LRRTM4: variants seen among roughly 807,000 people sequenced by gnomAD.
The protein encoded by LRRTM4 is leucine-rich repeat transmembrane neuronal protein 4.
Under a neutral mutation model 47.6 loss-of-function variants are expected in LRRTM4, and 25 were observed. That is an observed-to-expected ratio of 0.53 (90% CI 0.38 to 0.73). The LOEUF is 0.73. Among genes scored for constraint, LRRTM4 ranks in the 30% least tolerant of loss-of-function variants. LRRTM4 has a pLI of 0.00. For missense variants in LRRTM4, 638 were observed against 713.4 expected, an observed-to-expected ratio of 0.89 and a Z score of 1.20; for synonymous variants, 311 against 269.5, an observed-to-expected ratio of 1.15 and a Z score of -1.51.
chr2:77,138,072 A>G (rs1672002455), intron 3 of LRRTM4, among the ~76,000 whole-genome samples: 1 of 152,194 alleles, frequency 6.6e-6, no homozygotes, highest in East Asian at 1.9e-4. Flanking sequence ...TCAATGAGAC[A>G]GAAAGTTAAC....
At chr2:76,954,561 C>T (rs1447620608) in intron 3 of LRRTM4, among the ~76,000 whole-genome samples, 1 of 151,428 alleles carries the variant, frequency 6.6e-6, no homozygotes, top group Non-Finnish European at 1.5e-5. Context: ...AGTATACCAT[C>T]AAATGAACAA....
At chr2:77,212,486 G>A (rs1039725149) in intron 3 of LRRTM4, among the ~76,000 whole-genome samples, 10 of 149,502 alleles carry the variant, frequency 6.7e-5, no homozygotes, top group Admixed American at 3.4e-4. Flanking sequence ...GAGAGAGAGA[G>A]AGAGAGAGCG....
At chr2:76,932,799 C>T (rs1380868896) in intron 3 of LRRTM4, among the ~76,000 whole-genome samples, 1 of 151,298 alleles carries the variant, frequency 6.6e-6, no homozygotes, top group Non-Finnish European at 1.5e-5. Context: ...AATACTTACT[C>T]TAAAGAAATT....
chr2:77,217,305 T>A (rs1674477788), intron 3 of LRRTM4, among the ~76,000 whole-genome samples: 1 of 147,926 alleles, frequency 6.8e-6, no homozygotes, highest in Admixed American at 6.8e-5. Flanking sequence ...ATATTAACAT[T>A]TAATAATACC....
chr2:77,413,343 C>T (rs6752996), intron 3 of LRRTM4, among the ~76,000 whole-genome samples: 351 of 152,164 alleles, frequency 2.3e-3, no homozygotes, highest in Non-Finnish European at 4.1e-3. Flanking sequence ...CTCTGAGTGT[C>T]GGTTTCATCA....
chr2:77,152,207 G>A (rs1672448152), intron 3 of LRRTM4, among the ~76,000 whole-genome samples: 1 of 152,126 alleles, frequency 6.6e-6, no homozygotes, highest in African/African-American at 2.4e-5. Flanking sequence ...ACATTGTGTG[G>A]GGCCTGCCAT....
intron 3 of LRRTM4, among the ~76,000 whole-genome samples, chr2:77,296,197 A>C (rs1336417597): frequency 1.3e-5 from 2 of 152,232 alleles, no homozygotes; most frequent in African/African-American, 2.4e-5. Context: ...AATATTTGAG[A>C]AATTATTCCC....
chr2:77,410,542 A>C (rs930526894), intron 3 of LRRTM4, among the ~76,000 whole-genome samples: 18 of 152,164 alleles, frequency 1.2e-4, no homozygotes, highest in Non-Finnish European at 7.4e-5. Context: ...ATTAAATGAG[A>C]TAGATCCTAT....
intron 3 of LRRTM4, among the ~76,000 whole-genome samples, chr2:76,956,856 T>A (rs1675691372): frequency 6.6e-6 from 1 of 151,442 alleles, no homozygotes; most frequent in Non-Finnish European, 1.5e-5. Context: ...TGGATAAATT[T>A]CTAGAAACCT....
chr2:77,116,737 TAC>T (rs997110421), intron 3 of LRRTM4, among the ~76,000 whole-genome samples: 6 of 152,084 alleles, frequency 3.9e-5, no homozygotes, highest in Admixed American at 2.0e-4. Flanking sequence ...TTTTCCCAAA[TAC>T]AGTTTCTTTC....
intron 3 of LRRTM4, among the ~76,000 whole-genome samples, chr2:77,504,559 G>GA (rs1208409161): frequency 1.3e-5 from 2 of 151,322 alleles, no homozygotes; most frequent in Non-Finnish European, 3.0e-5. Context: ...CTAGTTCTTT[G>GA]AAAAAAATCA....
intron 3 of LRRTM4, among the ~76,000 whole-genome samples, chr2:77,423,993 T>G (rs1675010200): frequency 6.6e-6 from 1 of 152,144 alleles, no homozygotes; most frequent in African/African-American, 2.4e-5. Flanking sequence ...GAATAATTTT[T>G]TATCTTTATT....
intron 3 of LRRTM4, among the ~76,000 whole-genome samples, chr2:77,157,747 C>T (rs1307245559): frequency 6.6e-6 from 1 of 151,966 alleles, no homozygotes; most frequent in Non-Finnish European, 1.5e-5. Flanking sequence ...AAGAAAACCC[C>T]ACCACTTGAG....
intron 3 of LRRTM4, among the ~76,000 whole-genome samples, chr2:77,259,348 G>A (rs955796953): frequency 6.6e-6 from 1 of 151,974 alleles, no homozygotes; most frequent in African/African-American, 2.4e-5. Context: ...TTGAGACAAT[G>A]CACACAATAT....
At chr2:76,979,267 G>A (rs1676516777) in intron 3 of LRRTM4, among the ~76,000 whole-genome samples, 1 of 151,904 alleles carries the variant, frequency 6.6e-6, no homozygotes, top group African/African-American at 2.4e-5. Context: ...AACAAGTAGG[G>A]TGTCTATTAC....
At chr2:77,006,650 G>A (rs1677661366) in intron 3 of LRRTM4, among the ~76,000 whole-genome samples, 2 of 152,126 alleles carry the variant, frequency 1.3e-5, no homozygotes, top group Admixed American at 6.6e-5. Context: ...AAAACAAGCG[G>A]AGAGATTCTA....
chr2:76,899,125 T>A (rs977045087), intron 3 of LRRTM4, among the ~76,000 whole-genome samples: 1 of 151,890 alleles, frequency 6.6e-6, no homozygotes, highest in Non-Finnish European at 1.5e-5. Flanking sequence ...GATCAAAAGA[T>A]CAACCTAAAA....
chr2:77,180,511 T>C (rs1053278973), intron 3 of LRRTM4, among the ~76,000 whole-genome samples: 3 of 152,166 alleles, frequency 2.0e-5, no homozygotes, highest in African/African-American at 7.2e-5. Flanking sequence ...ACTGCAACAA[T>C]AAAATGGAGA....
At chr2:77,225,297 G>T (rs1674772938) in intron 3 of LRRTM4, among the ~76,000 whole-genome samples, 1 of 143,002 alleles carries the variant, frequency 7.0e-6, no homozygotes. Flanking sequence ...ACACCAACAT[G>T]GCACATGTAT....
Sources: gnomAD v4.1 joint callset for allele counts (sites outside exome capture counted in the v4.1 genomes callset) on GRCh38, gnomAD v4.1.1 for gene constraint, MANE v1.5 for transcripts, NCBI Gene and HGNC (gene_info 2026-07-23, HGNC 2026-07-21) for gene names.